Variants in CSGALNACT1 observed in about 807,000 individuals in gnomAD.
CSGALNACT1 encodes chondroitin sulfate N-acetylgalactosaminyltransferase 1, also known as beta4GalNAcT-1.
In CSGALNACT1, 52 loss-of-function variants were observed where a neutral mutation model predicts 51.0. That is an observed-to-expected ratio of 1.02 (90% CI 0.82 to 1.29). The LOEUF is 1.29. Ranked by LOEUF, CSGALNACT1 falls within the 50% of genes most tolerant of loss-of-function variation. The pLI is 0.00. For missense variants in CSGALNACT1, 935 were observed against 679.2 expected, an observed-to-expected ratio of 1.38 and a Z score of -4.19; for synonymous variants, 341 against 254.4, an observed-to-expected ratio of 1.34 and a Z score of -3.24.
chr8:19,529,750 C>T (rs897864663), intron 3 of CSGALNACT1, among the ~76,000 whole-genome samples: 3 of 152,142 alleles, frequency 2.0e-5, no homozygotes, highest in Non-Finnish European at 2.9e-5. Flanking sequence ...TCCATGTATG[C>T]ACAGCTCCCT....
intron 1 of CSGALNACT1, among the ~76,000 whole-genome samples, chr8:19,667,004 AAAGAAAGAAAGAAAGG>A (rs1337212016): frequency 3.8e-3 from 95 of 25,034 alleles, no homozygotes; most frequent in South Asian, 7.2e-3. Context: ...AGAAAGAAAG[AAAGAAAGAAAGAAAGG>A]AAGGAAGGAA....
At position 19,547,962 on chromosome 8, in the gene CSGALNACT1, C is replaced by T. The variant is rs114649057; in HGVS notation, c.-296-41832G>A. Among the ~76,000 whole-genome samples the T allele has an allele frequency of 9.1e-3, 1,382 of 152,272 alleles. 21 individuals carry two copies. The highest frequency in any genetic ancestry group is 0.031 in the African/African-American group (1,287 of 41,540). On this transcript the variant is annotated intron_variant, in intron 3 of 9. Transcript: ENST00000454498. The stretch of plus-strand genomic sequence containing the variant: ...AGAGGAGAGAGCAGCTGCCATTTTC[C>T]TAAGTTCCCACCATATTCCCGGCAT...
intron 4 of CSGALNACT1, among the ~76,000 whole-genome samples, chr8:19,491,924 T>C (rs756180002): frequency 1.6e-4 from 24 of 152,206 alleles, no homozygotes; most frequent in Non-Finnish European, 3.1e-4. Context: ...TGCAAATTAG[T>C]ATGTGGGTAG....
At chr8:19,530,321 C>G (rs993352833) in intron 3 of CSGALNACT1, among the ~76,000 whole-genome samples, 1 of 149,696 alleles carries the variant, frequency 6.7e-6, no homozygotes, top group African/African-American at 2.5e-5. Flanking sequence ...TACACACACA[C>G]ACACACACAC....
intron 1 of CSGALNACT1, among the ~76,000 whole-genome samples, chr8:19,650,955 C>T (rs1164117354): frequency 6.6e-6 from 1 of 152,112 alleles, no homozygotes; most frequent in Non-Finnish European, 1.5e-5. Flanking sequence ...CCAGATAATT[C>T]TAAGAGTTTA....
At chr8:19,518,271 C>T (rs574259012) in intron 3 of CSGALNACT1, among the ~76,000 whole-genome samples, 3 of 152,160 alleles carry the variant, frequency 2.0e-5, no homozygotes, top group Admixed American at 6.5e-5. Flanking sequence ...AAAGTGGAGC[C>T]CCAGACATAC....
intron 2 of CSGALNACT1, among the ~76,000 whole-genome samples, chr8:19,594,032 G>A (rs539437247): frequency 6.6e-6 from 1 of 152,308 alleles, no homozygotes; most frequent in Admixed American, 6.5e-5. Flanking sequence ...GGTGGAATAT[G>A]CCATGAAGAT....
In CSGALNACT1 at chr8:19,757,702, C is replaced by T. The variant is rs1201718231; in HGVS notation, c.-297+148G>A. 1 of 152,380 alleles carries T rather than the reference C, an allele frequency of 6.6e-6. No individual in the cohort carries two copies. The highest frequency in any genetic ancestry group is 1.5e-5 in the Non-Finnish European group (1 of 68,194). 9.4% of individuals were successfully genotyped at this position (152,380 alleles called of 1,614,324 possible). On this transcript the variant is annotated intron_variant, in intron 1 of 1. Transcript: ENST00000517494. The surrounding 1 kb of genome is among the most constrained non-coding windows in gnomAD (Gnocchi z 4.0). ...AGAGTTCCCCATCCCCCTGCTCCAC[C>T]CGCTCTGTTCCCTTGGCTGCCCTCC...
chr8:19,445,664 G>A (rs577575745), intron 5 of CSGALNACT1, among the ~76,000 whole-genome samples: 2 of 152,318 alleles, frequency 1.3e-5, no homozygotes, highest in African/African-American at 4.8e-5. Flanking sequence ...AGTTCTCCAT[G>A]TACTGTGCAA....
chr8:19,450,888 C>T (rs2063067094), intron 5 of CSGALNACT1, among the ~76,000 whole-genome samples: 1 of 151,358 alleles, frequency 6.6e-6, no homozygotes, highest in Non-Finnish European at 1.5e-5. Context: ...CCAGACTGGG[C>T]TACTGAGCTT....
At chr8:19,564,609 T>C (rs990145577) in intron 3 of CSGALNACT1, among the ~76,000 whole-genome samples, 2 of 152,082 alleles carry the variant, frequency 1.3e-5, no homozygotes, top group Admixed American at 6.6e-5. Context: ...CCTATATGCT[T>C]ATGCAACCTG....
chr8:19,729,117 T>C (rs535832293), intron 1 of CSGALNACT1, among the ~76,000 whole-genome samples: 3 of 151,854 alleles, frequency 2.0e-5, no homozygotes, highest in African/African-American at 4.8e-5. Flanking sequence ...ACCTACTAGA[T>C]ACAACTAAGT....
chr8:19,505,987 G>A (rs1004440566), exon 4 of CSGALNACT1: 12 of 814,684 alleles, frequency 1.5e-5, no homozygotes, highest in East Asian at 5.3e-5. Flanking sequence ...TCTGCCTCTT[G>A]GAGTTAACCA....
intron 1 of CSGALNACT1, among the ~76,000 whole-genome samples, chr8:19,613,365 A>G (rs571153052): frequency 6.6e-6 from 1 of 152,354 alleles, no homozygotes; most frequent in African/African-American, 2.4e-5. Context: ...CCTTTCCTAC[A>G]TCAAACCATA....
At chr8:19,608,325 T>C (rs910055352) in intron 1 of CSGALNACT1, among the ~76,000 whole-genome samples, 1 of 152,052 alleles carries the variant, frequency 6.6e-6, no homozygotes, top group African/African-American at 2.4e-5. Context: ...AACACAACAA[T>C]GGAAGTAGCG....
intron 1 of CSGALNACT1, among the ~76,000 whole-genome samples, chr8:19,703,187 A>G (rs1402941143): frequency 2.0e-5 from 3 of 152,142 alleles, no homozygotes; most frequent in South Asian, 2.1e-4. Context: ...TTCCTTCTCA[A>G]CTAGACCCAT....
intron 8 of CSGALNACT1, among the ~76,000 whole-genome samples, chr8:19,412,108 C>G (rs1489696224): frequency 6.6e-6 from 1 of 152,238 alleles, no homozygotes; most frequent in Non-Finnish European, 1.5e-5. Flanking sequence ...GCTGGGATCA[C>G]AGGCATGGGC....
chr8:19,636,986 T>C (rs1221584969), intron 1 of CSGALNACT1, among the ~76,000 whole-genome samples: 1 of 151,906 alleles, frequency 6.6e-6, no homozygotes, highest in Non-Finnish European at 1.5e-5. Context: ...GGTCAGGAAT[T>C]CGAGATCAGC....
intron 6 of CSGALNACT1, among the ~76,000 whole-genome samples, chr8:19,433,140 T>G (rs2059889674): frequency 6.6e-6 from 1 of 152,238 alleles, no homozygotes. Context: ...AATTCTTTAT[T>G]GTGCGACCAC....
Sources: allele counts gnomAD v4.1 joint callset (sites outside exome capture counted in the v4.1 genomes callset), GRCh38; gene constraint gnomAD v4.1.1; non-coding constraint Gnocchi (gnomAD v3.1); transcripts MANE v1.5; gene names NCBI Gene and HGNC (gene_info 2026-07-23, HGNC 2026-07-21).